The following HLA-DRA variants were observed in gnomAD, a reference collection of about 807,000 sequenced individuals.
HLA-DRA encodes major histocompatibility complex, class II, DR alpha.
Under a neutral mutation model 22.1 loss-of-function variants are expected in HLA-DRA, and 8 were observed. The ratio of observed to expected loss-of-function variants is 0.36; its 90% CI spans 0.21 to 0.65. The LOEUF is 0.65. HLA-DRA is among the 30% of genes least tolerant of loss of function. The pLI, the probability that HLA-DRA is intolerant of heterozygous loss-of-function variation, is 0.63. For synonymous variants in HLA-DRA, 101 were observed against 117.1 expected, an observed-to-expected ratio of 0.86 and a Z score of 0.89; for missense variants, 248 against 321.3, an observed-to-expected ratio of 0.77 and a Z score of 1.74.
In HLA-DRA at chr6:32,444,762, A is replaced by G. The variant is rs7195; in HGVS notation, c.*122A>G. The G allele has an allele frequency of 0.62, 93,888 of 152,282 alleles. 29,319 individuals are homozygous for G. The highest frequency in any genetic ancestry group is 0.76 in the Middle Eastern group (373 of 492). The allele number at this position is 152,282 out of a possible 1,614,324, so 9.4% of individuals were successfully genotyped here. A position where few individuals can be genotyped will look rare whatever the true frequency, so the allele number is the denominator to read the frequency against. On this transcript the variant is annotated 3_prime_UTR_variant, in exon 5 of 5. Coordinates refer to ENST00000395388, the MANE Select transcript of HLA-DRA (RefSeq NM_019111.5). ...CTCAGTGAAAGCAGTCATCTTCAGC[A>G]TTTTCCAGCCCTATAGCCACCCCAA...
chr6:32,444,594 AG>A (rs1203112969), intron 4 of HLA-DRA, 57 bp from the exon 5 acceptor site: 1 of 152,236 alleles, frequency 6.6e-6, no homozygotes, highest in Admixed American at 6.5e-5. Flanking sequence ...AGGAATCTGA[AG>A]CAAGGAGCTC....
chr6:32,443,849 C>A lies in HLA-DRA; in HGVS notation c.704C>A (p.Thr235Asn). ...GGTCTGGTGGGCATCATTATTGGGA[C>A]CATCTTCATCATCAAGGGATTGCGC... The part of the protein sequence containing the change: ...TVGLVGIIIG[T>N]IFIIKGLRKS... The change falls in exon 4 of 5, where the codon ACC becomes AAC. Residue 235 changes from threonine to asparagine, a missense_variant. Coordinates refer to ENST00000395388, the MANE Select transcript of HLA-DRA (RefSeq NM_019111.5). The A allele has an allele frequency of 6.2e-7, 1 of 1,609,878 alleles. No homozygotes were observed. The highest frequency in any genetic ancestry group is 8.5e-7 in the Non-Finnish European group (1 of 1,178,514).
chr6:32,441,411 GA>G (rs11377479), intron 1 of HLA-DRA, among the ~76,000 whole-genome samples: 36,048 of 150,004 alleles, frequency 0.24, 4,826 homozygotes, highest in Non-Finnish European at 0.29. Context: ...GAAGACTAAG[GA>G]AAAAAAAAAT....
chr6:32,441,274 C>T (rs1187546458), intron 1 of HLA-DRA, among the ~76,000 whole-genome samples: 1 of 152,192 alleles, frequency 6.6e-6, no homozygotes, highest in Non-Finnish European at 1.5e-5. Flanking sequence ...AGGAGGATTG[C>T]TTGAACTCGG....
rs1470779191 is a variant in HLA-DRA at position 32,444,870 on chromosome 6, C to T, written c.*230C>T. 1 of 154,306 alleles carries T rather than the reference C, an allele frequency of 6.5e-6. No individual in the cohort carries two copies. Among genetic ancestry groups the T allele is most frequent in the Non-Finnish European group, 1.5e-5 (1 of 68,184 alleles). 9.6% of individuals were successfully genotyped at this position (154,306 alleles called of 1,614,324 possible). On this transcript the variant is annotated 3_prime_UTR_variant, in exon 5 of 5. Coordinates refer to ENST00000395388, the MANE Select transcript of HLA-DRA (RefSeq NM_019111.5). Reference sequence around the variant, plus strand: ...TATTGCCTTTTCCTGTATCTATTTTCCTCTATTTCCTATCATTTTATTATC... The same window carrying T: ...TATTGCCTTTTCCTGTATCTATTTTTCTCTATTTCCTATCATTTTATTATC...
intron 4 of HLA-DRA, among the ~76,000 whole-genome samples, chr6:32,444,370 T>C (rs1762801788): frequency 6.6e-6 from 1 of 152,186 alleles, no homozygotes; most frequent in South Asian, 2.1e-4. Flanking sequence ...CAGGTTAGGG[T>C]CAATTCATTG....
chr6:32,443,587 T>C, intron 3 of HLA-DRA, 121 bp downstream of exon 3: 1 of 1,139,732 alleles, frequency 8.8e-7, no homozygotes, highest in Non-Finnish European at 1.3e-6. Flanking sequence ...CTTCTCCTAC[T>C]ATCCAGCTTC....
At chr6:32,441,186 G>A (rs1477265718) in intron 1 of HLA-DRA, among the ~76,000 whole-genome samples, 1 of 152,102 alleles carries the variant, frequency 6.6e-6, no homozygotes, top group South Asian at 2.1e-4. Context: ...GTGAAACCCC[G>A]TCTCTACTAA....
Position 32,442,564 on chromosome 6 carries a change from G to A in HLA-DRA, c.199G>A (p.Val67Ile), listed in dbSNP as rs745789724. 1.2e-6 allele frequency: 2 copies of A among 1,613,076 alleles called. No homozygotes were observed. The change falls in exon 2 of 5, where the codon GTC becomes ATC. Residue 67 changes from valine to isoleucine, a missense_variant. Transcript: ENST00000395388. ...TGTGGATATGGCAAAGAAGGAGACG[G>A]TCTGGCGGCTTGAAGAATTTGGACG... ...FHVDMAKKET[V>I]WRLEEFGRFA...
chr6:32,443,179 C>T lies in HLA-DRA; in HGVS notation c.329-6C>T, dbSNP rs1230859811. 5.0e-6 allele frequency: 8 copies of T among 1,610,384 alleles called. No homozygotes were observed. Among genetic ancestry groups the T allele is most frequent in the African/African-American group, 1.3e-5 (1 of 74,814 alleles). ...ATTTCTGTCATGTCTGTCATGTGTC[C>T]CCCAGTACCTCCAGAGGTAACTGTG... On this transcript the variant is annotated splice_polypyrimidine_tract_variant and splice_region_variant and intron_variant, in intron 2 of 4. Transcript: ENST00000395388.
At chr6:32,443,528 C>CT (rs1762748990) in intron 3 of HLA-DRA, 62 bp downstream of exon 3, 1 of 1,451,984 alleles carries the variant, frequency 6.9e-7, no homozygotes, top group African/African-American at 1.4e-5. Flanking sequence ...TTGTGTGAAA[C>CT]TCGGTGTTCT....
intron 1 of HLA-DRA, among the ~76,000 whole-genome samples, chr6:32,441,718 A>C (rs1762632666): frequency 6.6e-6 from 1 of 152,228 alleles, no homozygotes. Context: ...TTCAGTCCCC[A>C]GGTATATTTT....
rs951689593 is a variant in HLA-DRA, at chr6:32,443,086, T to A, written c.329-99T>A. 9.1e-6 allele frequency: 10 copies of A among 1,099,414 alleles called. No individual in the cohort carries two copies. In the African/African-American group the frequency reaches 1.2e-4, roughly 14 times the overall value. The allele number at this position is 1,099,414 out of a possible 1,614,324, so 68.1% of individuals were successfully genotyped here. On this transcript the variant is annotated intron_variant, in intron 2 of 4. Transcript: ENST00000395388. ...TTCAACTACTTTTTCAGCTTTAGGGTTTTTAGATACGTTTGTACCACAATT... is the reference window on the plus strand; with the variant it reads ...TTCAACTACTTTTTCAGCTTTAGGGATTTTAGATACGTTTGTACCACAATT...
intron 2 of HLA-DRA, 68 bp from the exon 3 acceptor site, chr6:32,443,117 T>G: frequency 1.5e-6 from 2 of 1,371,268 alleles, no homozygotes; most frequent in Non-Finnish European, 2.1e-6. Context: ...CAATTGAGCA[T>G]GGGAGGGAGA....
At chr6:32,441,336 G>A (rs565579027) in intron 1 of HLA-DRA, among the ~76,000 whole-genome samples, 26 of 152,240 alleles carry the variant, frequency 1.7e-4, no homozygotes, top group African/African-American at 9.6e-5. Flanking sequence ...CCAGCCTGGC[G>A]ATAGAGCAAG....
Position 32,439,987 on chromosome 6 carries a change from A to G in HLA-DRA, c.37A>G (p.Ile13Val), listed in dbSNP as rs757574147. Residue 13 changes from isoleucine (I) to valine (V), a missense_variant, in exon 1 of 5, where the codon ATC becomes GTC. By Grantham distance (29) the Ile-to-Val change is conservative (BLOSUM62 3). Transcript: ENST00000395388. ...ISGVPVLGFFIIAVLMSAQES... is the reference protein window; with the variant it reads ...ISGVPVLGFFVIAVLMSAQES... ...TGGAGTCCCTGTGCTAGGATTTTTC[A>G]TCATAGCTGTGCTGATGAGCGCTCA... 2 of 1,614,086 alleles carry G rather than the reference A, an allele frequency of 1.2e-6. No individual in the cohort carries two copies. The highest frequency in any genetic ancestry group is 1.7e-6 in the Non-Finnish European group (2 of 1,180,026).
At chr6:32,440,693 G>A (rs1383261898) in intron 1 of HLA-DRA, among the ~76,000 whole-genome samples, 1 of 152,180 alleles carries the variant, frequency 6.6e-6, no homozygotes, top group Non-Finnish European at 1.5e-5. Flanking sequence ...TGTTAACTTA[G>A]TAATATTTCC....
chr6:32,443,547 CATA>C, intron 3 of HLA-DRA, 81 bp downstream of exon 3: 5 of 1,312,764 alleles, frequency 3.8e-6, no homozygotes, highest in Non-Finnish European at 4.3e-6. Context: ...CTAACTGTTT[CATA>C]ATATCTGCTA....
At position 32,442,500 on chromosome 6, in the gene HLA-DRA, C is replaced by T. The variant is rs754340783; in HGVS notation, c.135C>T (p.Gly45=). 3 of 1,612,974 alleles carry T rather than the reference C, an allele frequency of 1.9e-6. No homozygotes were observed. Among genetic ancestry groups the T allele is most frequent in the South Asian group, 1.1e-5 (1 of 91,078 alleles). The change falls in exon 2 of 5, where the codon GGC becomes GGT. Residue 45 remains glycine, a synonymous_variant. Coordinates refer to ENST00000395388, the MANE Select transcript of HLA-DRA (RefSeq NM_019111.5). ...AEFYLNPDQS[G]EFMFDFDGDE... is the part of the protein sequence containing the mutation. ...TCTATCTGAATCCTGACCAATCAGG[C>T]GAGTTTATGTTTGACTTTGATGGTG...
Sources: allele counts gnomAD v4.1 joint callset (sites outside exome capture counted in the v4.1 genomes callset), GRCh38; gene constraint gnomAD v4.1.1; transcripts MANE v1.5; gene names NCBI Gene and HGNC (gene_info 2026-07-23, HGNC 2026-07-21).